Variants in GPD2 observed in about 807,000 individuals in gnomAD.
The protein encoded by GPD2 is glycerol-3-phosphate dehydrogenase 2.
GPD2 carries 54 observed loss-of-function variants against 82.4 expected under a neutral mutation model. That is an observed-to-expected ratio of 0.66 (90% confidence interval 0.53 to 0.82). The LOEUF is 0.82. GPD2 is among the 40% of genes least tolerant of loss of function. The probability of loss-of-function intolerance (pLI) is 0.00; values close to 1 mark genes in which losing one functional copy is unlikely to be tolerated. For synonymous variants in GPD2, 288 were observed against 306.1 expected (o/e 0.94, Z 0.62); for missense variants, 748 against 896.2 (o/e 0.83, Z 2.11).
At position 156,465,098 on chromosome 2, in the gene GPD2, G is replaced by T. The variant is rs182901777; in HGVS notation, c.-8-11000G>T. Among the ~76,000 whole-genome samples the T allele has an allele frequency of 3.2e-3, 492 of 152,176 alleles. 1 individual carries two copies. The highest frequency in any genetic ancestry group is 0.011 in the African/African-American group (452 of 41,542). On this transcript the variant is annotated intron_variant, in intron 1 of 16. Transcript: ENST00000438166. ...ACTCCTGACCTCAAGTGATCCACCC[G>T]CCACGGCCTCCCAGAGTGCTGGGAT...
At chr2:156,500,891 G>A (rs559983674) in intron 3 of GPD2, among the ~76,000 whole-genome samples, 1 of 152,256 alleles carries the variant, frequency 6.6e-6, no homozygotes, top group East Asian at 1.9e-4. Context: ...TCTCCTGCAG[G>A]TCTCTAGGAT....
intron 3 of GPD2, 135 bp from the exon 4 acceptor site, chr2:156,510,661 T>G: frequency 1.3e-6 from 1 of 740,910 alleles, no homozygotes; most frequent in Non-Finnish European, 2.4e-6. Flanking sequence ...GACAGTGTAC[T>G]GCACTTTGAA....
At chr2:156,526,709 G>A (rs1268907714) in intron 6 of GPD2, among the ~76,000 whole-genome samples, 1 of 152,100 alleles carries the variant, frequency 6.6e-6, no homozygotes, top group Non-Finnish European at 1.5e-5. Context: ...GCATTTTGAA[G>A]CTTGCAGTAA....
At chr2:156,479,351 TG>T (rs1303641685) in intron 2 of GPD2, among the ~76,000 whole-genome samples, 1 of 152,196 alleles carries the variant, frequency 6.6e-6, no homozygotes, top group Non-Finnish European at 1.5e-5. Context: ...CTGGTGTTTC[TG>T]GGAGCAGGTT....
chr2:156,509,779 T>TTTTTA (rs1213097977), intron 3 of GPD2, among the ~76,000 whole-genome samples: 6 of 145,860 alleles, frequency 4.1e-5, no homozygotes, highest in Admixed American at 2.0e-4. Context: ...TTTTTTTTTT[T>TTTTTA]TTTTTATTTC....
intron 6 of GPD2, among the ~76,000 whole-genome samples, chr2:156,527,249 T>C (rs946739112): frequency 6.6e-6 from 1 of 151,850 alleles, no homozygotes; most frequent in Non-Finnish European, 1.5e-5. Context: ...GCCTTGGAAA[T>C]GTAATAAAAA....
intron 6 of GPD2, among the ~76,000 whole-genome samples, chr2:156,543,873 G>A (rs998479687): frequency 1.3e-5 from 2 of 152,066 alleles, no homozygotes; most frequent in African/African-American, 4.8e-5. Flanking sequence ...AGCTCCTGTG[G>A]CACAAACAAA....
At chr2:156,401,170 G>A in the GPD2 span, among the ~76,000 whole-genome samples, 4 of 152,076 alleles carry the variant, frequency 2.6e-5, no homozygotes, top group Admixed American at 6.5e-5. Context: ...AATCGAACCC[G>A]GGCCTCCCGC....
At chr2:156,448,233 G>C (rs1036762380) in intron 1 of GPD2, among the ~76,000 whole-genome samples, 1 of 151,416 alleles carries the variant, frequency 6.6e-6, no homozygotes, top group Non-Finnish European at 1.5e-5. Context: ...TCAGCCTCCC[G>C]AGTAGCTGGG....
At chr2:156,410,047 A>G in the GPD2 span, among the ~76,000 whole-genome samples, 1 of 152,216 alleles carries the variant, frequency 6.6e-6, no homozygotes, top group African/African-American at 2.4e-5. Flanking sequence ...TCCCATCTCA[A>G]AAAGAAGAAA....
chr2:156,434,681 A>G (rs1384245847), upstream of GPD2, among the ~76,000 whole-genome samples: 2 of 151,964 alleles, frequency 1.3e-5, no homozygotes, highest in African/African-American at 4.8e-5. Flanking sequence ...GCTCTGAACT[A>G]TTTTTCTTTT....
chr2:156,414,525 TGAA>T, the GPD2 span, among the ~76,000 whole-genome samples: 1 of 152,202 alleles, frequency 6.6e-6, no homozygotes, highest in Non-Finnish European at 1.5e-5. Context: ...AAGAAATATT[TGAA>T]TCCTGAGTAG....
chr2:156,537,970 C>G (rs569516296), intron 6 of GPD2, among the ~76,000 whole-genome samples: 1 of 152,320 alleles, frequency 6.6e-6, no homozygotes, highest in African/African-American at 2.4e-5. Flanking sequence ...TATATTGACA[C>G]ATTTGTTGGC....
the GPD2 span, among the ~76,000 whole-genome samples, chr2:156,401,164 G>A: frequency 2.6e-5 from 4 of 152,078 alleles, no homozygotes; most frequent in African/African-American, 7.2e-5. Flanking sequence ...GCCGGGAATC[G>A]AACCCGGGCC....
intron 2 of GPD2, among the ~76,000 whole-genome samples, chr2:156,483,107 CAAGAAGCAA>C (rs1435511690): frequency 6.9e-6 from 1 of 145,504 alleles, no homozygotes; most frequent in Non-Finnish European, 1.5e-5. Flanking sequence ...TAAGATTGGA[CAAGAAGCAA>C]AAAACAAAAA....
intron 6 of GPD2, among the ~76,000 whole-genome samples, chr2:156,549,104 C>G (rs1686656211): frequency 6.6e-6 from 1 of 152,082 alleles, no homozygotes; most frequent in African/African-American, 2.4e-5. Flanking sequence ...CAAGAAAAAT[C>G]CTTTTACAGA....
intron 2 of GPD2, among the ~76,000 whole-genome samples, chr2:156,489,705 TTCC>T (rs1684086642): frequency 2.6e-5 from 3 of 116,692 alleles, no homozygotes; most frequent in African/African-American, 1.0e-4. Flanking sequence ...CCTTCCTTCC[TTCC>T]TTCCTTCCTT....
chr2:156,480,093 A>G (rs1336322740), intron 2 of GPD2, among the ~76,000 whole-genome samples: 1 of 152,232 alleles, frequency 6.6e-6, no homozygotes, highest in Non-Finnish European at 1.5e-5. Context: ...CTTGGAGGTC[A>G]TCTTATCCAG....
In GPD2 at chr2:156,569,554, C is replaced by T; in HGVS notation, c.1476+16C>T. 6.3e-7 allele frequency: 1 copy of T among 1,589,336 alleles called. No homozygotes were observed. The highest frequency in any genetic ancestry group is 8.6e-7 in the Non-Finnish European group (1 of 1,157,624). Reference sequence around the variant, plus strand: ...TGAAAGCGAGGTGAGTGTGCATTGCCACATCATCTTACTCTTTACCTAATC... The same window carrying T: ...TGAAAGCGAGGTGAGTGTGCATTGCTACATCATCTTACTCTTTACCTAATC... On this transcript the variant is annotated intron_variant, in intron 11 of 16. Transcript: ENST00000438166.
Sources: allele counts gnomAD v4.1 joint callset (sites outside exome capture counted in the v4.1 genomes callset), GRCh38; gene constraint gnomAD v4.1.1; transcripts MANE v1.5; gene names NCBI Gene and HGNC (gene_info 2026-07-23, HGNC 2026-07-21).